The following YTHDC2 variants were observed in gnomAD, a reference collection of about 807,000 sequenced individuals.
YTHDC2 encodes YTH N6-methyladenosine RNA binding protein C2, also known as 3'-5' RNA helicase YTHDC2.
YTHDC2 carries 45 observed loss-of-function variants against 174.9 expected under a neutral mutation model. The ratio of observed to expected loss-of-function variants is 0.26; its 90% CI spans 0.20 to 0.33. The LOEUF is 0.33. YTHDC2 is among the 10% of genes least tolerant of loss of function. The pLI is 1.00. For synonymous variants in YTHDC2, 657 were observed against 574.5 expected (o/e 1.14, Z -2.05); for missense variants, 1,650 against 1,723.7 (o/e 0.96, Z 0.76).
Position 113,591,058 on chromosome 5 carries a change from G to A in YTHDC2, c.3843G>A (p.Ser1281=), listed in dbSNP as rs2303718. 101,222 of 1,613,206 alleles carry A rather than the reference G, an allele frequency of 0.063. 5,307 individuals are homozygous for A. The highest frequency in any genetic ancestry group is 0.28 in the African/African-American group (21,076 of 74,882). Residue 1281 remains serine (S), a synonymous_variant, in exon 27 of 30, where the codon TCG becomes TCA. Transcript: ENST00000161863. ...TTTTATAGGGCTCAAAATCTCCTTCGCCAAGACCAAACATGCCTGTTCGAT... is the reference window on the plus strand; with the variant it reads ...TTTTATAGGGCTCAAAATCTCCTTCACCAAGACCAAACATGCCTGTTCGAT... ...PSSGKGSKSP[S]PRPNMPVRYF... is the part of the protein sequence containing the mutation.
chr5:113,541,895 A>G (rs1318915353), intron 9 of YTHDC2, among the ~76,000 whole-genome samples: 1 of 152,088 alleles, frequency 6.6e-6, no homozygotes, highest in Non-Finnish European at 1.5e-5. Flanking sequence ...TTGACCATGT[A>G]TATTTGTGGT....
At chr5:113,577,863 T>G (rs1778157521) in intron 23 of YTHDC2, among the ~76,000 whole-genome samples, 1 of 152,172 alleles carries the variant, frequency 6.6e-6, no homozygotes, top group South Asian at 2.1e-4. Context: ...ATTCTCTTTG[T>G]GTAATTTTCT....
intron 15 of YTHDC2, 39 bp from the exon 16 acceptor site, chr5:113,553,903 C>G (rs767365420): frequency 1.9e-6 from 3 of 1,582,784 alleles, no homozygotes; most frequent in Non-Finnish European, 2.6e-6. Context: ...GTTATTTTTT[C>G]TGTTTTTTTA....
intron 5 of YTHDC2, 108 bp from the exon 6 acceptor site, chr5:113,534,197 T>A (rs1056219113): frequency 2.4e-6 from 2 of 816,712 alleles, no homozygotes; most frequent in Non-Finnish European, 4.0e-6. Flanking sequence ...CGGTACACTA[T>A]TAGTAATATT....
At chr5:113,575,439 G>A in intron 23 of YTHDC2, among the ~76,000 whole-genome samples, 1 of 152,104 alleles carries the variant, frequency 6.6e-6, no homozygotes, top group East Asian at 1.9e-4. Flanking sequence ...TCGCCTTAGG[G>A]GTGACCTACT....
At chr5:113,568,252 T>A (rs1777481311) in intron 23 of YTHDC2, among the ~76,000 whole-genome samples, 1 of 152,226 alleles carries the variant, frequency 6.6e-6, no homozygotes, top group African/African-American at 2.4e-5. Context: ...CCCAAACTGT[T>A]ATTTTATATT....
chr5:113,554,883 CAT>C (rs755998841), intron 16 of YTHDC2, among the ~76,000 whole-genome samples: 113 of 151,946 alleles, frequency 7.4e-4, no homozygotes, highest in Middle Eastern at 3.4e-3. Flanking sequence ...ACATATTACT[CAT>C]GTGTGGAAAG....
chr5:113,537,827 CTTAG>C (rs1014943387), intron 7 of YTHDC2, among the ~76,000 whole-genome samples: 1 of 152,070 alleles, frequency 6.6e-6, no homozygotes, highest in African/African-American at 2.4e-5. Flanking sequence ...TGTTACCTGT[CTTAG>C]TTAATCATAC....
chr5:113,529,194 C>G (rs1459716103), intron 4 of YTHDC2, among the ~76,000 whole-genome samples: 2 of 152,136 alleles, frequency 1.3e-5, no homozygotes, highest in African/African-American at 4.8e-5. Context: ...TGTCTCATTT[C>G]AGCTTCTCAA....
In YTHDC2 at chr5:113,553,754, C is replaced by T; in HGVS notation, c.1965-13C>T. On this transcript the variant is annotated splice_polypyrimidine_tract_variant and intron_variant, in intron 14 of 29. Transcript: ENST00000161863. ...AGGTCTTATAGTATGTTTTCTCTTT[C>T]AATTGTCTGCAGATACCAAGTCTTT... The T allele has an allele frequency of 3.1e-6, 5 of 1,612,070 alleles. No individual in the cohort carries two copies. The highest frequency in any genetic ancestry group is 1.7e-4 in the Middle Eastern group (1 of 6,056).
Position 113,542,483 on chromosome 5 carries a change from T to A in YTHDC2, c.1475T>A (p.Ile492Asn). Residue 492 changes from isoleucine (I) to asparagine (N), a missense_variant, in exon 10 of 30, where the codon ATT becomes AAT. This residue lies in a region of YTHDC2 where 411 missense variants were observed against 380.6 expected (regional missense o/e 1.08). Transcript: ENST00000161863. The part of the protein sequence containing the change: ...IDAFAQVFHL[I>N]LTENVSVDYR... ...GCCTTTGCTCAGGTCTTTCATCTCATTTTAACTGAAAATGTTAGTGGTAAG... is the reference window on the plus strand; with the variant it reads ...GCCTTTGCTCAGGTCTTTCATCTCAATTTAACTGAAAATGTTAGTGGTAAG... 1 of 1,602,762 alleles carries A rather than the reference T, an allele frequency of 6.2e-7. No homozygotes were observed. The highest frequency in any genetic ancestry group is 1.2e-5 in the South Asian group (1 of 86,912).
At chr5:113,517,992 C>T (rs1773588186) in intron 2 of YTHDC2, among the ~76,000 whole-genome samples, 1 of 151,622 alleles carries the variant, frequency 6.6e-6, no homozygotes, top group Non-Finnish European at 1.5e-5. Flanking sequence ...GGGTTCACGC[C>T]ATTCTCCTGC....
Position 113,515,346 on chromosome 5 carries a change from G to A in YTHDC2, c.262G>A (p.Val88Ile). The change falls in exon 2 of 30, where the codon GTC becomes ATC. Residue 88 changes from valine (V) to isoleucine (I), a missense_variant. By Grantham distance (29) the Val-to-Ile change is conservative. This residue lies in a region of YTHDC2 where 304 missense variants were observed against 341.4 expected (regional missense o/e 0.89). Transcript: ENST00000161863. Reference sequence around the variant, plus strand: ...TCGACTCAGTCAGTCTCTTGGTTTGGTCTCTAAAAGTAAAGGGTAAGCTGG... The same window carrying A: ...TCGACTCAGTCAGTCTCTTGGTTTGATCTCTAAAAGTAAAGGGTAAGCTGG... ...IHRLSQSLGLVSKSKGKGANR... is the reference protein window; with the variant it reads ...IHRLSQSLGLISKSKGKGANR... The A allele has an allele frequency of 6.2e-7, 1 of 1,611,964 alleles. No homozygotes were observed. The highest frequency in any genetic ancestry group is 8.5e-7 in the Non-Finnish European group (1 of 1,179,552).
Position 113,590,969 on chromosome 5 carries a change from A to G in YTHDC2, c.3826-72A>G, listed in dbSNP as rs1252227075. ...TATTTTGGCTTATATGTTTATGAAG[A>G]TGTTATTTAATGGAGCCTCTTGGTT... On this transcript the variant is annotated intron_variant, in intron 26 of 29. Coordinates refer to ENST00000161863, the MANE Select transcript of YTHDC2 (RefSeq NM_022828.5). The G allele has an allele frequency of 4.7e-6, 6 of 1,265,972 alleles. No homozygotes were observed. The South Asian group carries it at 6.9e-5, about 15-fold the overall frequency. The allele number at this position is 1,265,972 out of a possible 1,614,324, so 78.4% of individuals were successfully genotyped here. A position where few individuals can be genotyped will look rare whatever the true frequency, so the allele number is the denominator to read the frequency against.
At chr5:113,551,097 G>A (rs1001350861) in intron 12 of YTHDC2, among the ~76,000 whole-genome samples, 1 of 151,972 alleles carries the variant, frequency 6.6e-6, no homozygotes, top group African/African-American at 2.4e-5. Context: ...AATTGGAAAT[G>A]TAGTCTCAGA....
intron 10 of YTHDC2, among the ~76,000 whole-genome samples, chr5:113,542,799 A>G (rs1289318838): frequency 6.6e-6 from 1 of 152,004 alleles, no homozygotes; most frequent in Non-Finnish European, 1.5e-5. Context: ...TTGTGTATAT[A>G]CTCTTGTCTT....
At chr5:113,529,137 CAT>C (rs1259542195) in intron 4 of YTHDC2, among the ~76,000 whole-genome samples, 1 of 151,982 alleles carries the variant, frequency 6.6e-6, no homozygotes, top group Non-Finnish European at 1.5e-5. Flanking sequence ...TGATAATAAA[CAT>C]TGGTGAAAAA....
In YTHDC2 at chr5:113,553,673, G is replaced by C. The variant is rs75714066; in HGVS notation, c.1951G>C (p.Asp651His). 0.066 allele frequency: 105,876 copies of C among 1,613,390 alleles called. 3,840 individuals carry two copies. The highest frequency in any genetic ancestry group is 0.12 in the Middle Eastern group (707 of 6,060). ...CCTGTTTGATGACAAGCGGTTTGCT[G>C]ACAGTACACATAGGTAAGGGCTAAA... Reference protein sequence around the residue: ...RILFDDKRFADSTHRYQVFML... With the variant: ...RILFDDKRFAHSTHRYQVFML... Residue 651 changes from aspartate (D) to histidine (H), a missense_variant, in exon 14 of 30, where the codon GAC becomes CAC. Coordinates refer to ENST00000161863, the MANE Select transcript of YTHDC2 (RefSeq NM_022828.5).
Position 113,563,727 on chromosome 5 carries a change from G to A in YTHDC2, c.2443-132G>A, listed in dbSNP as rs576520152. 202 of 1,108,146 alleles carry A rather than the reference G, an allele frequency of 1.8e-4. 1 individual carries two copies. Among genetic ancestry groups the A allele is most frequent in the Middle Eastern group, 3.1e-4 (1 of 3,278 alleles). 68.6% of individuals were successfully genotyped at this position (1,108,146 alleles called of 1,614,324 possible). On this transcript the variant is annotated intron_variant, in intron 19 of 29. Coordinates refer to ENST00000161863, the MANE Select transcript of YTHDC2 (RefSeq NM_022828.5). The stretch of plus-strand genomic sequence containing the variant: ...TTCTTTTATATAGTATAATAGAAAC[G>A]AAATATATTTTTATGAGATGTAGTA...
Sources: allele counts gnomAD v4.1 joint callset (sites outside exome capture counted in the v4.1 genomes callset), GRCh38; gene constraint gnomAD v4.1.1; regional missense constraint gnomAD v4.1.1; transcripts MANE v1.5; gene names NCBI Gene and HGNC (gene_info 2026-07-23, HGNC 2026-07-21).